The following ADAM12 variants were observed in gnomAD, a reference collection of about 807,000 sequenced individuals.
The protein encoded by ADAM12 is disintegrin and metalloproteinase domain-containing protein 12.
Under a neutral mutation model 106.4 loss-of-function variants are expected in ADAM12, and 70 were observed. The ratio of observed to expected loss-of-function variants is 0.66; its 90% CI spans 0.54 to 0.80. The LOEUF (loss-of-function observed/expected upper bound fraction) is 0.80. ADAM12 is among the 30% of genes least tolerant of loss of function. ADAM12 has a pLI of 0.00. For missense variants in ADAM12, 1,010 were observed against 1,171.9 expected, an observed-to-expected ratio of 0.86 and a Z score of 2.02; for synonymous variants, 420 against 433.5, an observed-to-expected ratio of 0.97 and a Z score of 0.39.
chr10:126,275,874 TAAAG>T (rs1305435295), intron 3 of ADAM12, among the ~76,000 whole-genome samples: 9 of 152,158 alleles, frequency 5.9e-5, no homozygotes, highest in African/African-American at 1.7e-4. Flanking sequence ...ATTAATACAA[TAAAG>T]AAAGTAAATA....
intron 2 of ADAM12, among the ~76,000 whole-genome samples, chr10:126,324,082 G>A (rs780677638): frequency 2.6e-5 from 4 of 152,198 alleles, no homozygotes; most frequent in East Asian, 1.9e-4. Context: ...CTTAAGTTGC[G>A]TCTCTGCAGC....
intron 3 of ADAM12, among the ~76,000 whole-genome samples, chr10:126,247,373 T>C (rs1276438132): frequency 2.0e-5 from 3 of 152,186 alleles, no homozygotes; most frequent in Non-Finnish European, 4.4e-5. Flanking sequence ...TCAAGTGCAA[T>C]GTCAACAAAA....
chr10:126,262,395 C>T lies in ADAM12; in HGVS notation c.260+16520G>A, dbSNP rs13377100. Among the ~76,000 whole-genome samples, 1,258 of 152,240 alleles carry T rather than the reference C, an allele frequency of 8.3e-3. 18 individuals carry two copies. Among genetic ancestry groups the T allele is most frequent in the African/African-American group, 0.028 (1,170 of 41,532 alleles). ...TTTTGTCTTTGGCAACAAAGAGTGG[C>T]CACTTTCCTTAAACTCATTCCAATG... is the stretch of plus-strand genomic sequence containing the variant. On this transcript the variant is annotated intron_variant, in intron 3 of 22. Transcript: ENST00000448723.
At chr10:126,047,576 G>A (rs148473892) in intron 16 of ADAM12, among the ~76,000 whole-genome samples, 234 of 152,274 alleles carry the variant, frequency 1.5e-3, no homozygotes, top group African/African-American at 5.5e-3. Context: ...CCTGGCCCTG[G>A]CTGTTCAGGC....
intron 4 of ADAM12, among the ~76,000 whole-genome samples, chr10:126,147,448 G>A (rs889479761): frequency 6.6e-6 from 1 of 152,160 alleles, no homozygotes; most frequent in Admixed American, 6.5e-5. Flanking sequence ...ACGCCTTGAG[G>A]AAGGCCTTTA....
chr10:126,037,286 T>C (rs1954077323), intron 20 of ADAM12, among the ~76,000 whole-genome samples: 1 of 13,898 alleles, frequency 7.2e-5, no homozygotes, highest in Admixed American at 3.7e-4. Flanking sequence ...AAGGCTGTGC[T>C]TTTTTTTTTT....
chr10:126,104,331 T>A (rs1955723037), intron 8 of ADAM12, among the ~76,000 whole-genome samples: 1 of 151,538 alleles, frequency 6.6e-6, no homozygotes, highest in South Asian at 2.1e-4. Flanking sequence ...GTGCCTGTAA[T>A]CCTAGCTACT....
At chr10:126,339,357 C>T (rs188637156) in intron 1 of ADAM12, among the ~76,000 whole-genome samples, 23 of 152,294 alleles carry the variant, frequency 1.5e-4, no homozygotes, top group Admixed American at 1.2e-3. Flanking sequence ...AAAACCAACA[C>T]GTTTTCAATC....
At chr10:126,119,346 A>C (rs930673694) in intron 5 of ADAM12, among the ~76,000 whole-genome samples, 2 of 152,184 alleles carry the variant, frequency 1.3e-5, no homozygotes, top group East Asian at 3.8e-4. Context: ...CCTACTTCTC[A>C]GGGTTGCTAT....
intron 1 of ADAM12, among the ~76,000 whole-genome samples, chr10:126,374,447 A>G (rs1212217018): frequency 6.6e-6 from 1 of 152,260 alleles, no homozygotes. Context: ...AAAGACATGT[A>G]AGAATACAAA....
chr10:126,235,806 A>T (rs1187524421), intron 3 of ADAM12, among the ~76,000 whole-genome samples: 1 of 152,240 alleles, frequency 6.6e-6, no homozygotes, highest in African/African-American at 2.4e-5. Flanking sequence ...TGGCAGTGTT[A>T]GGAACAAAAG....
chr10:126,236,544 A>G (rs1958419229), intron 3 of ADAM12, among the ~76,000 whole-genome samples: 1 of 152,192 alleles, frequency 6.6e-6, no homozygotes, highest in South Asian at 2.1e-4. Flanking sequence ...GAGTGTGGAA[A>G]GGAAAGCAAG....
At chr10:126,352,673 T>G (rs546846932) in intron 1 of ADAM12, among the ~76,000 whole-genome samples, 1 of 152,196 alleles carries the variant, frequency 6.6e-6, no homozygotes, top group African/African-American at 2.4e-5. Context: ...GTTTCCTGCA[T>G]CTGTCACCTC....
intron 2 of ADAM12, among the ~76,000 whole-genome samples, chr10:126,300,208 G>A (rs1960560206): frequency 6.6e-6 from 1 of 152,156 alleles, no homozygotes; most frequent in Non-Finnish European, 1.5e-5. Context: ...CCCTGGCCAA[G>A]AACTGGGGTC....
chr10:126,065,088 G>A, intron 13 of ADAM12, 87 bp from the exon 14 acceptor site: 1 of 1,375,494 alleles, frequency 7.3e-7, no homozygotes, highest in African/African-American at 1.4e-5. Flanking sequence ...GAGTGGACAA[G>A]GCCATAAGTC....
intron 5 of ADAM12, among the ~76,000 whole-genome samples, chr10:126,127,776 G>A (rs1174620570): frequency 1.3e-5 from 2 of 152,206 alleles, no homozygotes; most frequent in Admixed American, 6.5e-5. Context: ...CAGATGGTGA[G>A]GAGATGGGGA....
intron 3 of ADAM12, among the ~76,000 whole-genome samples, chr10:126,204,111 G>A (rs1487126186): frequency 5.3e-5 from 8 of 152,174 alleles, no homozygotes; most frequent in Non-Finnish European, 1.0e-4. Context: ...CCTATCTCCA[G>A]CCCCTGGTTC....
At chr10:126,197,487 T>A (rs1957618629) in intron 3 of ADAM12, among the ~76,000 whole-genome samples, 1 of 152,132 alleles carries the variant, frequency 6.6e-6, no homozygotes, top group Non-Finnish European at 1.5e-5. Flanking sequence ...GAGAGGACAG[T>A]CGTGTGCTTC....
chr10:126,048,636 T>C (rs1369242624), intron 16 of ADAM12, among the ~76,000 whole-genome samples: 1 of 151,744 alleles, frequency 6.6e-6, no homozygotes, highest in Admixed American at 6.6e-5. Context: ...ATTCGCTTGC[T>C]GTCATTTAGT....
Sources: gnomAD v4.1 joint callset for allele counts (sites outside exome capture counted in the v4.1 genomes callset) on GRCh38, gnomAD v4.1.1 for gene constraint, MANE v1.5 for transcripts, NCBI Gene and HGNC (gene_info 2026-07-23, HGNC 2026-07-21) for gene names.